The following BUB1B variants were observed in gnomAD, a reference collection of about 807,000 sequenced individuals.
The protein encoded by BUB1B is BUB1 mitotic checkpoint serine/threonine kinase B, also known as mitotic checkpoint serine/threonine-protein kinase BUB1 beta.
A neutral mutation model predicts 137.7 loss-of-function variants in BUB1B; 86 were observed. That is an observed-to-expected ratio of 0.62 (90% CI 0.52 to 0.75). BUB1B has a LOEUF of 0.75. Ranked by LOEUF, BUB1B falls within the 30% of genes least tolerant of loss-of-function variation. BUB1B has a pLI of 0.00. For missense variants in BUB1B, 1,130 were observed against 1,236.9 expected, an observed-to-expected ratio of 0.91 and a Z score of 1.30; for synonymous variants, 420 against 417.9, an observed-to-expected ratio of 1.00 and a Z score of -0.06.
intron 17 of BUB1B, 64 bp from the exon 18 acceptor site, chr15:40,210,046 G>T (rs2140906424): frequency 1.5e-6 from 2 of 1,343,044 alleles, no homozygotes; most frequent in Admixed American, 1.7e-5. Flanking sequence ...AAACCAGGAG[G>T]TAAAAGCTAC....
Position 40,208,756 on chromosome 15 carries a change from C to T in BUB1B, c.2129C>T (p.Thr710Ile). 6.2e-7 allele frequency: 1 copy of T among 1,612,654 alleles called. No individual in the cohort carries two copies. The highest frequency in any genetic ancestry group is 8.5e-7 in the Non-Finnish European group (1 of 1,178,726). ...CLQIPEKLEL[T>I]NETSENPTQS... The stretch of plus-strand genomic sequence containing the variant: ...CAAATTCCTGAGAAACTAGAACTTA[C>T]TAATGAGACTTCAGGTAGGATATAC... The change falls in exon 16 of 23, where the codon ACT becomes ATT. Residue 710 changes from threonine (T) to isoleucine (I), a missense_variant. By Grantham distance (89) the Thr-to-Ile change is moderately conservative (BLOSUM62 -1). Coordinates refer to ENST00000287598, the MANE Select transcript of BUB1B (RefSeq NM_001211.6).
chr15:40,180,298 G>C (rs1256246868), intron 5 of BUB1B, among the ~76,000 whole-genome samples: 2 of 134,328 alleles, frequency 1.5e-5, no homozygotes, highest in Non-Finnish European at 3.0e-5. Context: ...CTGTCACCCA[G>C]GCTGGAGTGC....
intron 2 of BUB1B, among the ~76,000 whole-genome samples, chr15:40,168,482 T>C (rs768843396): frequency 7.2e-5 from 11 of 152,242 alleles, no homozygotes; most frequent in Non-Finnish European, 1.3e-4. Flanking sequence ...AGTAGTGCCT[T>C]AGATTTTATT....
chr15:40,200,897 T>C (rs868522958), intron 11 of BUB1B, 34 bp from the exon 12 acceptor site: 3 of 1,601,348 alleles, frequency 1.9e-6, no homozygotes, highest in Middle Eastern at 1.7e-4. Context: ...TCTGTGGGTA[T>C]TGAGCACATG....
chr15:40,206,518 C>T (rs2037639428), intron 15 of BUB1B, 60 bp downstream of exon 15: 2 of 1,599,160 alleles, frequency 1.3e-6, no homozygotes, highest in African/African-American at 1.3e-5. Context: ...TCTGCATGTG[C>T]TTGTCAGTTA....
At chr15:40,199,380 G>A (rs1427294251) in intron 9 of BUB1B, among the ~76,000 whole-genome samples, 1 of 152,200 alleles carries the variant, frequency 6.6e-6, no homozygotes, top group African/African-American at 2.4e-5. Flanking sequence ...CACATAGTAG[G>A]TATTCAATGT....
chr15:40,200,990 A>T lies in BUB1B; in HGVS notation c.1567+10A>T, dbSNP rs769951989. ...CAACCTCATTCTAAAGGTGAGTTGTATTTGACAGCCTTGAGAAGAACTTGC... is the reference window on the plus strand; with the variant it reads ...CAACCTCATTCTAAAGGTGAGTTGTTTTTGACAGCCTTGAGAAGAACTTGC... On this transcript the variant is annotated intron_variant, in intron 12 of 22. Transcript: ENST00000287598. 6.2e-7 allele frequency: 1 copy of T among 1,612,046 alleles called. No homozygotes were observed. Among genetic ancestry groups the T allele is most frequent in the Admixed American group, 1.7e-5 (1 of 60,012 alleles).
chr15:40,186,696 T>C (rs1012389068), intron 8 of BUB1B, among the ~76,000 whole-genome samples: 25 of 151,494 alleles, frequency 1.7e-4, no homozygotes, highest in Non-Finnish European at 3.4e-4. Flanking sequence ...CCGCCCGCCT[T>C]GGCCTCCCAA....
chr15:40,187,974 G>A lies in BUB1B; in HGVS notation c.1058+2332G>A, dbSNP rs559803506. ...AAATGGATAACATACATTTGTAGAT[G>A]TCTGGTTTTTCTAATGTTTCAAGTC... On this transcript the variant is annotated intron_variant, in intron 8 of 22. Transcript: ENST00000287598. Among the ~76,000 whole-genome samples the A allele has an allele frequency of 3.9e-5, 6 of 152,348 alleles. No homozygotes were observed. The South Asian group carries it at 1.2e-3, about 32-fold the overall frequency.
chr15:40,193,468 CTTTTTT>C (rs555918648), intron 8 of BUB1B, among the ~76,000 whole-genome samples: 2 of 79,738 alleles, frequency 2.5e-5, no homozygotes, highest in African/African-American at 1.0e-4. Context: ...CTTATTACCA[CTTTTTT>C]TTTTTTTTTT....
At chr15:40,170,270 T>C in intron 3 of BUB1B, 149 bp downstream of exon 3, 1 of 821,324 alleles carries the variant, frequency 1.2e-6, no homozygotes, top group African/African-American at 1.7e-5. Flanking sequence ...ATAATATATC[T>C]TCCTGAGGTG....
At chr15:40,196,428 A>G in intron 8 of BUB1B, 117 bp from the exon 9 acceptor site, 1 of 953,840 alleles carries the variant, frequency 1.0e-6, no homozygotes, top group South Asian at 1.5e-5. Flanking sequence ...TAAGGCCTCC[A>G]GATTTGCAGA....
At chr15:40,214,815 G>A (rs1349915069) in intron 20 of BUB1B, among the ~76,000 whole-genome samples, 1 of 152,022 alleles carries the variant, frequency 6.6e-6, no homozygotes, top group Non-Finnish European at 1.5e-5. Flanking sequence ...AGCAATGCAG[G>A]ATGTTTTATA....
intron 14 of BUB1B, among the ~76,000 whole-genome samples, chr15:40,205,091 CG>C (rs1348458319): frequency 6.6e-6 from 1 of 151,736 alleles, no homozygotes; most frequent in African/African-American, 2.4e-5. Context: ...GGATTACAGG[CG>C]CCCACCACCA....
chr15:40,183,779 T>G lies in BUB1B; in HGVS notation c.647T>G (p.Val216Gly), dbSNP rs1203645365. 1.9e-6 allele frequency: 3 copies of G among 1,614,038 alleles called. No individual in the cohort carries two copies. In the Admixed American group the frequency reaches 5.0e-5, roughly 27 times the overall value. The change falls in exon 6 of 23, where the codon GTT becomes GGT. Residue 216 changes from valine (V) to glycine (G), a missense_variant. Transcript: ENST00000287598. ...CTTGAGAAAGAAGAAGAGGAGGAAG[T>G]TTTTGAGTCTTCTGTACCACAACGA... ...LALEKEEEEEVFESSVPQRST... is the reference protein window; with the variant it reads ...LALEKEEEEEGFESSVPQRST...
chr15:40,209,791 C>T lies in BUB1B; in HGVS notation c.2284+16C>T, dbSNP rs978957568. ...ATTGAATTAGGTAAGTACCATTGAA[C>T]TCATGTCCTCTGGTTCATGACAGTA... On this transcript the variant is annotated intron_variant, in intron 17 of 22. Transcript: ENST00000287598. The T allele has an allele frequency of 2.5e-6, 4 of 1,613,654 alleles. No individual in the cohort carries two copies. The African/African-American group carries it at 4.0e-5, about 16-fold the overall frequency.
rs2037037822 is a variant in BUB1B at position 40,161,128 on chromosome 15, G to C, written c.-93G>C. The stretch of plus-strand genomic sequence containing the variant: ...TGTACGTGCCTTGGTCGCTTCTGTA[G>C]CTCCGAGGGCAGGTTGCGGAAGAAA... On this transcript the variant is annotated 5_prime_UTR_variant, in exon 1 of 23. Coordinates refer to ENST00000287598, the MANE Select transcript of BUB1B (RefSeq NM_001211.6). 24 of 1,528,574 alleles carry C rather than the reference G, an allele frequency of 1.6e-5. No homozygotes were observed. In the South Asian group the frequency reaches 2.9e-4, roughly 19 times the overall value. 94.7% of individuals were successfully genotyped at this position (1,528,574 alleles called of 1,614,324 possible).
chr15:40,170,220 A>G, intron 3 of BUB1B, 99 bp downstream of exon 3: 1 of 1,143,836 alleles, frequency 8.7e-7, no homozygotes, highest in Non-Finnish European at 1.3e-6. Flanking sequence ...GTGTCAGAGT[A>G]GACAGTGGTG....
At chr15:40,199,993 TA>T in intron 10 of BUB1B, 1 of 586,426 alleles carries the variant, frequency 1.7e-6, no homozygotes, top group Non-Finnish European at 3.0e-6. Context: ...TTAAGCTTTT[TA>T]TTCTAGCTAT....
Sources: gnomAD v4.1 joint callset for allele counts (sites outside exome capture counted in the v4.1 genomes callset) on GRCh38, gnomAD v4.1.1 for gene constraint, MANE v1.5 for transcripts, NCBI Gene and HGNC (gene_info 2026-07-23, HGNC 2026-07-21) for gene names.